Variants in TNR observed in about 807,000 individuals in gnomAD.
TNR encodes tenascin R.
In TNR, 45 loss-of-function variants were observed where a neutral mutation model predicts 150.4. That is an observed-to-expected ratio of 0.30 (90% CI 0.24 to 0.38). The LOEUF (loss-of-function observed/expected upper bound fraction) is 0.38, where lower values mean the gene tolerates loss of function less well. TNR is among the 10% of genes least tolerant of loss of function. The probability of loss-of-function intolerance (pLI) is 1.00; values close to 1 mark genes in which losing one functional copy is unlikely to be tolerated. For synonymous variants in TNR, 687 were observed against 678.4 expected (o/e 1.01, Z -0.20); for missense variants, 1,544 against 1,759.1 (o/e 0.88, Z 2.19).
intron 1 of TNR, among the ~76,000 whole-genome samples, chr1:175,578,535 A>T (rs1051828876): frequency 3.3e-5 from 5 of 152,186 alleles, no homozygotes; most frequent in Non-Finnish European, 5.9e-5. Context: ...GAGGGGGAGC[A>T]TTACCTAGAT....
chr1:175,634,729 T>A (rs1664441411), intron 1 of TNR, among the ~76,000 whole-genome samples: 1 of 152,188 alleles, frequency 6.6e-6, no homozygotes, highest in South Asian at 2.1e-4. Context: ...GAAAATGACT[T>A]GCTTGTTGTG....
At chr1:175,727,665 C>T (rs1039437580) in intron 1 of TNR, among the ~76,000 whole-genome samples, 3 of 152,112 alleles carry the variant, frequency 2.0e-5, no homozygotes, top group African/African-American at 7.2e-5. Flanking sequence ...GGAACAGAGG[C>T]TTAGGAAGCC....
Position 175,367,293 on chromosome 1 carries a change from C to A in TNR, c.1968G>T (p.Leu656=), listed in dbSNP as rs777894196. 5 of 1,613,830 alleles carry A rather than the reference C, an allele frequency of 3.1e-6. No homozygotes were observed. Among genetic ancestry groups the A allele is most frequent in the Non-Finnish European group, 3.4e-6 (4 of 1,179,858 alleles). Residue 656 remains leucine, a synonymous_variant, in exon 10 of 23, where the codon CTG becomes CTT. Coordinates refer to ENST00000367674, the MANE Select transcript of TNR (RefSeq NM_003285.3). ...GPTTRATLTD[L]VPGTEYGVGI... is the part of the protein sequence containing the mutation. Reference sequence around the variant, plus strand: ...CAACTCCATACTCAGTGCCAGGTACCAGATCTATCAGTGGATGGAGAAACA... The same window carrying A: ...CAACTCCATACTCAGTGCCAGGTACAAGATCTATCAGTGGATGGAGAAACA...
intron 1 of TNR, among the ~76,000 whole-genome samples, chr1:175,609,194 G>C (rs1359739163): frequency 9.2e-5 from 14 of 152,200 alleles, no homozygotes; most frequent in Admixed American, 9.2e-4. Context: ...TTCAAACATA[G>C]TGGGAAGAAG....
chr1:175,593,075 G>A (rs978966597), intron 1 of TNR, among the ~76,000 whole-genome samples: 2 of 152,118 alleles, frequency 1.3e-5, no homozygotes, highest in African/African-American at 4.8e-5. Flanking sequence ...TGATGCCACC[G>A]GTTGAATCTC....
chr1:175,489,096 G>C (rs961403583), intron 2 of TNR, among the ~76,000 whole-genome samples: 17 of 152,270 alleles, frequency 1.1e-4, no homozygotes, highest in African/African-American at 3.9e-4. Context: ...CCCTTTCAAT[G>C]CTGTAAGGAT....
chr1:175,490,935 C>T (rs1485706417), intron 2 of TNR, among the ~76,000 whole-genome samples: 2 of 152,162 alleles, frequency 1.3e-5, no homozygotes, highest in East Asian at 3.8e-4. Flanking sequence ...TTTATTGCAG[C>T]ACTATTCACA....
intron 18 of TNR, among the ~76,000 whole-genome samples, chr1:175,342,882 C>A (rs893969331): frequency 1.3e-5 from 2 of 152,228 alleles, no homozygotes; most frequent in Admixed American, 1.3e-4. Context: ...CATCATTTCT[C>A]TTATTATTCC....
intron 2 of TNR, among the ~76,000 whole-genome samples, chr1:175,522,428 A>T (rs1406862348): frequency 6.6e-6 from 1 of 152,210 alleles, no homozygotes; most frequent in African/African-American, 2.4e-5. Flanking sequence ...GAGATGGGGG[A>T]TGAAAGACCA....
At chr1:175,514,055 C>T (rs1571546321) in intron 2 of TNR, among the ~76,000 whole-genome samples, 1 of 152,302 alleles carries the variant, frequency 6.6e-6, no homozygotes, top group East Asian at 1.9e-4. Flanking sequence ...AATGACGCCT[C>T]AAAGACATCC....
At chr1:175,407,073 T>C (rs1404176326) in intron 2 of TNR, among the ~76,000 whole-genome samples, 1 of 152,220 alleles carries the variant, frequency 6.6e-6, no homozygotes. Flanking sequence ...ACATGAGGGC[T>C]GGGGGCTGGG....
chr1:175,483,537 G>A (rs189110536), intron 2 of TNR, among the ~76,000 whole-genome samples: 214 of 152,266 alleles, frequency 1.4e-3, no homozygotes, highest in African/African-American at 4.8e-3. Flanking sequence ...AAGAAAATGG[G>A]CACTGTGTAA....
chr1:175,571,723 C>T (rs1326485187), intron 1 of TNR, among the ~76,000 whole-genome samples: 1 of 152,202 alleles, frequency 6.6e-6, no homozygotes, highest in Non-Finnish European at 1.5e-5. Flanking sequence ...CATCCAACTA[C>T]CTGCATGTTT....
Position 175,700,333 on chromosome 1 carries a change from G to C in TNR, c.-165+42893C>G, listed in dbSNP as rs542400514. On this transcript the variant is annotated intron_variant, in intron 1 of 22. Coordinates refer to ENST00000367674, the MANE Select transcript of TNR (RefSeq NM_003285.3). ...CAATTATGCTGCCCATAATTAGAGT[G>C]ATATGAAGCACCTTCTGACGCATGC... Among the ~76,000 whole-genome samples the C allele has an allele frequency of 2.0e-5, 3 of 152,280 alleles. No homozygotes were observed. In the South Asian group the frequency reaches 6.2e-4, roughly 32 times the overall value.
At chr1:175,552,571 G>A (rs1410869544) in intron 1 of TNR, among the ~76,000 whole-genome samples, 1 of 152,162 alleles carries the variant, frequency 6.6e-6, no homozygotes, top group Non-Finnish European at 1.5e-5. Flanking sequence ...ACACAGCCTG[G>A]ACTCCAAACT....
chr1:175,716,594 G>A (rs1268519707), intron 1 of TNR, among the ~76,000 whole-genome samples: 1 of 152,088 alleles, frequency 6.6e-6, no homozygotes, highest in Non-Finnish European at 1.5e-5. Context: ...CCCCATTGTG[G>A]AACCAACCAT....
In TNR at chr1:175,705,767, A is replaced by G. The variant is rs550569206; in HGVS notation, c.-165+37459T>C. 4.6e-5 allele frequency among the ~76,000 whole-genome samples: 7 copies of G among 152,354 alleles called. No homozygotes were observed. In the South Asian group the frequency reaches 1.5e-3, roughly 32 times the overall value. On this transcript the variant is annotated intron_variant, in intron 1 of 22. Transcript: ENST00000367674. ...CAAAATGGAAAAGCATGGTCAGGAT[A>G]TTAACAAATATAAGCCGACAACAAC...
At chr1:175,515,593 TAAG>T (rs1659371581) in intron 2 of TNR, among the ~76,000 whole-genome samples, 1 of 152,180 alleles carries the variant, frequency 6.6e-6, no homozygotes, top group Non-Finnish European at 1.5e-5. Context: ...TATAGGGGTC[TAAG>T]AAGAGATGAG....
chr1:175,423,104 G>T (rs1374089456), intron 2 of TNR, among the ~76,000 whole-genome samples: 1 of 152,176 alleles, frequency 6.6e-6, no homozygotes, highest in Non-Finnish European at 1.5e-5. Flanking sequence ...GTGAAGTGAG[G>T]ACTATTTATA....
Sources: gnomAD v4.1 joint callset for allele counts (sites outside exome capture counted in the v4.1 genomes callset) on GRCh38, gnomAD v4.1.1 for gene constraint, MANE v1.5 for transcripts, NCBI Gene and HGNC (gene_info 2026-07-23, HGNC 2026-07-21) for gene names.